Variants in CFAP91 observed in about 807,000 individuals in gnomAD.
CFAP91 encodes cilia and flagella associated protein 91.
Under a neutral mutation model 95.9 loss-of-function variants are expected in CFAP91, and 85 were observed. That is an observed-to-expected ratio of 0.89 (90% CI 0.74 to 1.06). CFAP91 has a LOEUF of 1.06. CFAP91 is among the 50% of genes least tolerant of loss of function. The pLI is 0.00. For synonymous variants in CFAP91, 335 were observed against 327.5 expected, an observed-to-expected ratio of 1.02 and a Z score of -0.25; for missense variants, 962 against 943.4, an observed-to-expected ratio of 1.02 and a Z score of -0.26.
chr3:119,743,585 T>C (rs1439521548), intron 13 of CFAP91, among the ~76,000 whole-genome samples: 1 of 152,228 alleles, frequency 6.6e-6, no homozygotes, highest in Non-Finnish European at 1.5e-5. Context: ...TTCTAGGAGA[T>C]TCAATTTGAT....
At chr3:119,761,140 C>G (rs4687882) in intron 17 of CFAP91, among the ~76,000 whole-genome samples, 1 of 150,954 alleles carries the variant, frequency 6.6e-6, no homozygotes, top group Non-Finnish European at 1.5e-5. Context: ...CTACTTAAGG[C>G]CAAAGAGGGA....
intron 8 of CFAP91, among the ~76,000 whole-genome samples, chr3:119,731,228 G>T (rs892549337): frequency 3.3e-5 from 5 of 152,074 alleles, no homozygotes; most frequent in African/African-American, 1.2e-4. Context: ...CAGAGACCTT[G>T]TCTCAAAATA....
chr3:119,737,112 G>T (rs1364591545), intron 10 of CFAP91, among the ~76,000 whole-genome samples: 1 of 152,094 alleles, frequency 6.6e-6, no homozygotes, highest in Non-Finnish European at 1.5e-5. Context: ...ACACATTCTT[G>T]TTAGTGTTTC....
At position 119,730,290 on chromosome 3, in the gene CFAP91, A is replaced by G. The variant is rs2053870050; in HGVS notation, c.931A>G (p.Asn311Asp). ...GCGTGAAGAGAATCAGAATGAAGTG[A>G]ATATGAAGCACTTGAATGCCCGGTG... ...RKREENQNEVNMKHLNARWSK... is the reference protein window; with the variant it reads ...RKREENQNEVDMKHLNARWSK... The change falls in exon 8 of 18, where the codon AAT (asparagine) becomes GAT (aspartate). Residue 311 changes from asparagine (N) to aspartate (D), a missense_variant. Asn to Asp is a conservative substitution (Grantham distance 23). Transcript: ENST00000273390. 4 of 1,614,008 alleles carry G rather than the reference A, an allele frequency of 2.5e-6. No individual in the cohort carries two copies.
In CFAP91 at chr3:119,703,186, C is replaced by T. The variant is rs138727483; in HGVS notation, c.88C>T (p.His30Tyr). The change falls in exon 1 of 18, where the codon CAC (histidine) becomes TAC (tyrosine). Residue 30 changes from histidine to tyrosine, a missense_variant. His to Tyr is a moderately conservative substitution (Grantham distance 83, BLOSUM62 2). Transcript: ENST00000273390. The part of the protein sequence containing the change: ...RYRERSRAGS[H>Y]ISSNRAYDFL... ...CCGGGAGAGGTCGCGGGCTGGGAGC[C>T]ACATCTCCTCCAATCGAGCGTATGA... 462 of 1,611,098 alleles carry T rather than the reference C, an allele frequency of 2.9e-4. No individual in the cohort carries two copies. The highest frequency in any genetic ancestry group is 3.6e-4 in the Non-Finnish European group (419 of 1,178,700).
intron 11 of CFAP91, 81 bp downstream of exon 11, chr3:119,737,563 A>C: frequency 2.4e-6 from 2 of 845,740 alleles, no homozygotes; most frequent in East Asian, 2.6e-5. Context: ...GCTTAAAGCA[A>C]ATCTAATTTA....
rs557004228 is a variant in CFAP91, at chr3:119,716,822, C to A, written c.682+1079C>A. ...AGCCAGGATGGTCTCGATCCCCTGA[C>A]CTCGTGATCTGCCCACCTCAGCCTC... is the stretch of plus-strand genomic sequence containing the variant. On this transcript the variant is annotated intron_variant, in intron 6 of 17. Transcript: ENST00000273390. 6.6e-5 allele frequency among the ~76,000 whole-genome samples: 10 copies of A among 152,204 alleles called. No homozygotes were observed. The South Asian group carries it at 1.9e-3, about 28-fold the overall frequency.
At chr3:119,740,477 G>A in intron 12 of CFAP91, 72 bp from the exon 13 acceptor site, 4 of 1,527,948 alleles carry the variant, frequency 2.6e-6, no homozygotes, top group Non-Finnish European at 2.7e-6. Context: ...ACAAGTCACT[G>A]CGTGTGACTC....
intron 10 of CFAP91, among the ~76,000 whole-genome samples, chr3:119,736,289 T>G (rs1162684906): frequency 6.8e-6 from 1 of 147,602 alleles, no homozygotes; most frequent in East Asian, 2.0e-4. Flanking sequence ...TTTTTTTTTT[T>G]GAGTTGGAAT....
At chr3:119,715,330 A>C (rs565855406) in intron 5 of CFAP91, 2 of 649,534 alleles carry the variant, frequency 3.1e-6, no homozygotes, top group Non-Finnish European at 2.8e-6. Flanking sequence ...CTGTGGGTCA[A>C]CCATGGTACT....
At chr3:119,744,351 G>A (rs79974302) in intron 14 of CFAP91, among the ~76,000 whole-genome samples, 155 bp downstream of exon 14, 1,760 of 152,274 alleles carry the variant, frequency 0.012, 47 homozygotes, top group African/African-American at 0.04. Flanking sequence ...GGAAACTTTG[G>A]AGGAAAAAAC....
intron 12 of CFAP91, 25 bp downstream of exon 12, chr3:119,739,351 T>C: frequency 6.3e-7 from 1 of 1,598,762 alleles, no homozygotes; most frequent in South Asian, 1.1e-5. Flanking sequence ...CCGCTGGCCC[T>C]GCATTTCTCT....
intron 12 of CFAP91, 41 bp from the exon 13 acceptor site, chr3:119,740,508 A>G (rs114747919): frequency 0.011 from 16,719 of 1,533,760 alleles, 102 homozygotes; most frequent in Non-Finnish European, 0.014. Flanking sequence ...GCACAAAGGG[A>G]TGGTAACTTG....
intron 17 of CFAP91, among the ~76,000 whole-genome samples, chr3:119,763,610 A>C (rs970458853): frequency 1.3e-5 from 2 of 150,830 alleles, no homozygotes; most frequent in Non-Finnish European, 2.9e-5. Context: ...ATTGAATACT[A>C]TTCAGCCTTA....
chr3:119,712,776 G>A (rs1170197025), intron 5 of CFAP91, among the ~76,000 whole-genome samples: 1 of 151,698 alleles, frequency 6.6e-6, no homozygotes, highest in Non-Finnish European at 1.5e-5. Flanking sequence ...CCAACATGAT[G>A]AGACTCTGAC....
At chr3:119,713,089 TTATTTA>T in intron 5 of CFAP91, 1 of 15,550 alleles carries the variant, frequency 6.4e-5, no homozygotes, top group Admixed American at 2.5e-3. Flanking sequence ...TTATTTTTAT[TTATTTA>T]TTTATTTATT....
At chr3:119,748,230 G>T (rs988882407) in intron 16 of CFAP91, among the ~76,000 whole-genome samples, 5 of 152,106 alleles carry the variant, frequency 3.3e-5, no homozygotes, top group Non-Finnish European at 5.9e-5. Context: ...GCATATAAAA[G>T]ATTTTCACAT....
intron 11 of CFAP91, among the ~76,000 whole-genome samples, chr3:119,738,050 G>A (rs1577228581): frequency 6.6e-6 from 1 of 152,182 alleles, no homozygotes; most frequent in Non-Finnish European, 1.5e-5. Flanking sequence ...TTTACAGAGA[G>A]AACTATAACT....
chr3:119,747,562 G>A (rs751545440), intron 15 of CFAP91: 64 of 561,102 alleles, frequency 1.1e-4, no homozygotes, highest in Admixed American at 2.0e-4. Flanking sequence ...AAGGTTGCTG[G>A]CTTCTATGTA....
Sources: gnomAD v4.1 joint callset for allele counts (sites outside exome capture counted in the v4.1 genomes callset) on GRCh38, gnomAD v4.1.1 for gene constraint, MANE v1.5 for transcripts, NCBI Gene and HGNC (gene_info 2026-07-23, HGNC 2026-07-21) for gene names.